The following PATJ variants were observed in gnomAD, a reference collection of about 807,000 sequenced individuals.
The protein encoded by PATJ is inaD-like protein.
In PATJ, 190 loss-of-function variants were observed where a neutral mutation model predicts 224.9. The ratio of observed to expected loss-of-function variants is 0.84; its 90% CI spans 0.75 to 0.95. PATJ has a LOEUF of 0.95. Ranked by LOEUF, PATJ falls within the 40% of genes least tolerant of loss-of-function variation. PATJ has a pLI of 0.00. For synonymous variants in PATJ, 769 were observed against 820.3 expected (o/e 0.94, Z 1.07); for missense variants, 2,121 against 2,270.3 (o/e 0.93, Z 1.34).
intron 43 of PATJ, among the ~76,000 whole-genome samples, chr1:62,158,863 C>A (rs1371078736): frequency 6.6e-6 from 1 of 151,552 alleles, no homozygotes; most frequent in African/African-American, 2.4e-5. Context: ...GCAGGAGAAT[C>A]GCTTGAACCT....
At chr1:61,906,561 G>GCA (rs1395028896) in intron 24 of PATJ, among the ~76,000 whole-genome samples, 1 of 152,146 alleles carries the variant, frequency 6.6e-6, no homozygotes. Context: ...TATACCACAG[G>GCA]CACACACATC....
At chr1:62,118,623 CTTAT>C (rs59262237) in intron 37 of PATJ, among the ~76,000 whole-genome samples, 24 of 151,592 alleles carry the variant, frequency 1.6e-4, no homozygotes, top group East Asian at 9.7e-4. Flanking sequence ...TGAGCATCTT[CTTAT>C]TTATTTATTT....
At chr1:62,106,290 T>G (rs1320947090) in intron 33 of PATJ, among the ~76,000 whole-genome samples, 1 of 143,564 alleles carries the variant, frequency 7.0e-6, no homozygotes, top group African/African-American at 2.6e-5. Flanking sequence ...GGCAACATAG[T>G]GAGACCCCCA....
At chr1:61,899,194 A>G (rs906447747) in intron 22 of PATJ, among the ~76,000 whole-genome samples, 2 of 152,198 alleles carry the variant, frequency 1.3e-5, no homozygotes, top group African/African-American at 4.8e-5. Flanking sequence ...TTTATACTTG[A>G]TATCTATGAT....
chr1:62,078,457 A>G (rs1658702296), intron 31 of PATJ, among the ~76,000 whole-genome samples: 1 of 151,316 alleles, frequency 6.6e-6, no homozygotes, highest in African/African-American at 2.4e-5. Context: ...TAATTTTTGT[A>G]TTTTTTTCAG....
At chr1:62,011,858 C>T (rs185398501) in intron 28 of PATJ, among the ~76,000 whole-genome samples, 9 of 152,000 alleles carry the variant, frequency 5.9e-5, no homozygotes, top group Non-Finnish European at 1.2e-4. Context: ...GCATTTGGGA[C>T]TTTAAAAAGC....
chr1:62,098,572 A>C (rs993278415), intron 33 of PATJ, among the ~76,000 whole-genome samples: 1 of 150,642 alleles, frequency 6.6e-6, no homozygotes, highest in African/African-American at 2.4e-5. Context: ...TCCAGTCTGG[A>C]TAACGGAGTG....
intron 27 of PATJ, among the ~76,000 whole-genome samples, chr1:61,987,993 G>A (rs1644855697): frequency 6.6e-6 from 1 of 152,184 alleles, no homozygotes; most frequent in Non-Finnish European, 1.5e-5. Context: ...GAAATCAGGA[G>A]TTTGAGACCA....
intron 31 of PATJ, among the ~76,000 whole-genome samples, chr1:62,077,033 A>G (rs553494167): frequency 2.0e-5 from 3 of 152,156 alleles, no homozygotes; most frequent in African/African-American, 7.2e-5. Flanking sequence ...TTCTTATTTG[A>G]TTACTCTACC....
In PATJ at chr1:61,833,688, A is replaced by G. The variant is rs1659710917; in HGVS notation, c.2015A>G (p.Asp672Gly). The G allele has an allele frequency of 4.3e-6, 7 of 1,613,410 alleles. No homozygotes were observed. Among genetic ancestry groups the G allele is most frequent in the African/African-American group, 4.0e-5 (3 of 75,026 alleles). The change falls in exon 17 of 44, where the codon GAT becomes GGT. Residue 672 changes from aspartate (D) to glycine (G), a missense_variant. Coordinates refer to ENST00000642238, the MANE Select transcript of PATJ (RefSeq NM_001350145.3). ...AATATGGATGTCAATACTGAAGAAGATGATGATGGGGAATTAGCACTGTGG... is the reference window on the plus strand; with the variant it reads ...AATATGGATGTCAATACTGAAGAAGGTGATGATGGGGAATTAGCACTGTGG... Reference protein sequence around the residue: ...DHNMDVNTEEDDDGELALWSP... With the variant: ...DHNMDVNTEEGDDGELALWSP...
chr1:61,788,569 G>T (rs897794805), intron 8 of PATJ, among the ~76,000 whole-genome samples: 1 of 152,058 alleles, frequency 6.6e-6, no homozygotes, highest in Non-Finnish European at 1.5e-5. Flanking sequence ...ACATCTTTCT[G>T]GTCCATTCCA....
intron 29 of PATJ, among the ~76,000 whole-genome samples, chr1:62,035,330 A>C (rs987646639): frequency 6.6e-6 from 1 of 152,214 alleles, no homozygotes; most frequent in African/African-American, 2.4e-5. Flanking sequence ...TCACGCCTAG[A>C]TAGATAGTCT....
At chr1:62,022,188 T>C (rs1417533255) in intron 29 of PATJ, among the ~76,000 whole-genome samples, 1 of 152,228 alleles carries the variant, frequency 6.6e-6, no homozygotes, top group Non-Finnish European at 1.5e-5. Flanking sequence ...GCAATGTACA[T>C]TTTGTAATCA....
intron 30 of PATJ, chr1:62,038,821 C>A: frequency 1.5e-6 from 1 of 674,450 alleles, no homozygotes. Context: ...GGGTTCTGGG[C>A]CGGGGTGGAC....
intron 27 of PATJ, among the ~76,000 whole-genome samples, chr1:61,984,295 G>A (rs1358436700): frequency 6.6e-6 from 1 of 151,476 alleles, no homozygotes. Context: ...CGATTAGCTG[G>A]GATTACAGGC....
Position 61,787,885 on chromosome 1 carries a change from TC to T in PATJ, c.983del (p.Pro328GlnfsTer22). 6.2e-7 allele frequency: 1 copy of T among 1,614,154 alleles called. No individual in the cohort carries two copies. The highest frequency in any genetic ancestry group is 1.1e-5 in the South Asian group (1 of 91,080). On this transcript the variant is annotated frameshift_variant, in exon 8 of 44. Transcript: ENST00000642238. LOFTEE classifies it high-confidence loss of function. ...NSVRMLVARD[P>X]AGDISVTPPA... ...CAGTCAGGATGCTCGTTGCTAGAGA[TC>T]CAGCTGGTGACATTTCAGTCACCCC...
rs1200304675 is a variant in PATJ at position 61,795,450 on chromosome 1, T to C, written c.1169-17T>C. 6.7e-7 allele frequency: 1 copy of C among 1,491,422 alleles called. No individual in the cohort carries two copies. Among genetic ancestry groups the C allele is most frequent in the Non-Finnish European group, 9.1e-7 (1 of 1,093,560 alleles). The allele number at this position is 1,491,422 out of a possible 1,614,324, so 92.4% of individuals were successfully genotyped here. The stretch of plus-strand genomic sequence containing the variant: ...TTAGAATTTTCTTCCTTTTTCCGTA[T>C]GTCTGTGCACCTTAAGGGGAAGCTT... On this transcript the variant is annotated splice_polypyrimidine_tract_variant and intron_variant, in intron 9 of 43. Transcript: ENST00000642238.
chr1:61,923,113 C>T (rs1674574948), intron 26 of PATJ, among the ~76,000 whole-genome samples: 1 of 152,176 alleles, frequency 6.6e-6, no homozygotes, highest in East Asian at 1.9e-4. Context: ...CCCAGTAATA[C>T]CAAAAGTCAA....
intron 27 of PATJ, among the ~76,000 whole-genome samples, chr1:61,959,152 C>G (rs76416054): frequency 0.023 from 3,495 of 151,970 alleles, 123 homozygotes; most frequent in African/African-American, 0.08. Flanking sequence ...CTATACAAAT[C>G]ATGAAAGGTA....
Sources: allele counts gnomAD v4.1 joint callset (sites outside exome capture counted in the v4.1 genomes callset), GRCh38; gene constraint gnomAD v4.1.1; transcripts MANE v1.5; gene names NCBI Gene and HGNC (gene_info 2026-07-23, HGNC 2026-07-21).